The following CNTNAP2 variants were observed in gnomAD, a reference collection of about 807,000 sequenced individuals.
The protein encoded by CNTNAP2 is contactin-associated protein-like 2.
Under a neutral mutation model 155.2 loss-of-function variants are expected in CNTNAP2, and 98 were observed. That is an observed-to-expected ratio of 0.63 (90% CI 0.54 to 0.75). The LOEUF (loss-of-function observed/expected upper bound fraction) is 0.75. Ranked by LOEUF, CNTNAP2 falls within the 30% of genes least tolerant of loss-of-function variation. CNTNAP2 has a pLI of 0.00. For synonymous variants in CNTNAP2, 651 were observed against 631.2 expected, an observed-to-expected ratio of 1.03 and a Z score of -0.47; for missense variants, 1,727 against 1,688.1, an observed-to-expected ratio of 1.02 and a Z score of -0.40.
chr7:146,668,864 A>G (rs1800246204), intron 1 of CNTNAP2, among the ~76,000 whole-genome samples: 1 of 151,816 alleles, frequency 6.6e-6, no homozygotes, highest in Admixed American at 6.6e-5. Context: ...TTTTTCATTT[A>G]TGATTTTTAT....
rs1563130639 is a variant in CNTNAP2, at chr7:147,242,986, C to CTTTTTTTTTT, written c.1349-57155_1349-57154insTTTTTTTTTT. 1.7e-4 allele frequency among the ~76,000 whole-genome samples: 7 copies of CTTTTTTTTTT among 42,162 alleles called. 1 individual carries two copies. Among genetic ancestry groups the CTTTTTTTTTT allele is most frequent in the East Asian group, 1.3e-3 (1 of 788 alleles). The allele number at this position is 42,162 out of a possible 152,430, so 27.7% of individuals were successfully genotyped here. A position where few individuals can be genotyped will look rare whatever the true frequency, so the allele number is the denominator to read the frequency against. On this transcript the variant is annotated intron_variant, in intron 8 of 23. Transcript: ENST00000361727. ...ATGTTGTATTCCACACTATGCTTTG[C>CTTTTTTTTTT]ATTTTTTTTTTTTTTTTTTTTTTTT...
intron 14 of CNTNAP2, among the ~76,000 whole-genome samples, chr7:147,967,836 G>T (rs990578298): frequency 6.6e-6 from 1 of 152,004 alleles, no homozygotes; most frequent in South Asian, 2.1e-4. Flanking sequence ...CTTTCACCAC[G>T]TTAATGAGAT....
At chr7:146,655,983 T>C (rs755252066) in intron 1 of CNTNAP2, among the ~76,000 whole-genome samples, 5 of 152,232 alleles carry the variant, frequency 3.3e-5, no homozygotes, top group African/African-American at 4.8e-5. Flanking sequence ...CACTGAAGCA[T>C]AGCAAGGTCA....
At chr7:147,970,081 C>A (rs1015570532) in intron 14 of CNTNAP2, among the ~76,000 whole-genome samples, 1 of 151,910 alleles carries the variant, frequency 6.6e-6, no homozygotes, top group Non-Finnish European at 1.5e-5. Context: ...TGATGTACAC[C>A]ACCATGCCTG....
chr7:147,151,804 C>T (rs1801832502), intron 8 of CNTNAP2, among the ~76,000 whole-genome samples: 1 of 152,086 alleles, frequency 6.6e-6, no homozygotes, highest in South Asian at 2.1e-4. Flanking sequence ...TAATGTGTTA[C>T]TCCAACATGT....
intron 1 of CNTNAP2, among the ~76,000 whole-genome samples, chr7:146,476,561 G>C (rs907623322): frequency 2.0e-5 from 3 of 152,042 alleles, no homozygotes; most frequent in Non-Finnish European, 4.4e-5. Flanking sequence ...ATTGAACGTA[G>C]AGTTGTACAC....
intron 1 of CNTNAP2, among the ~76,000 whole-genome samples, chr7:146,191,468 AACATCTTATCAGGAG>A (rs1347734091): frequency 4.6e-5 from 7 of 152,198 alleles, no homozygotes; most frequent in African/African-American, 1.7e-4. Context: ...TGTCATTGAT[AACATCTTATCAGGAG>A]ACAGGGTTTG....
chr7:147,581,608 T>G (rs1306633945), intron 12 of CNTNAP2, among the ~76,000 whole-genome samples: 5 of 152,066 alleles, frequency 3.3e-5, no homozygotes, highest in Non-Finnish European at 4.4e-5. Context: ...TAGCTCAGAG[T>G]AAGTGTATAG....
At chr7:148,405,948 G>A (rs1168735483) in intron 22 of CNTNAP2, among the ~76,000 whole-genome samples, 1 of 151,900 alleles carries the variant, frequency 6.6e-6, no homozygotes, top group Non-Finnish European at 1.5e-5. Context: ...TTTAAAGAAG[G>A]TCGGCCGGGC....
At chr7:148,393,452 A>C (rs1799397954) in intron 22 of CNTNAP2, among the ~76,000 whole-genome samples, 1 of 152,182 alleles carries the variant, frequency 6.6e-6, no homozygotes, top group Non-Finnish European at 1.5e-5. Context: ...AAAAACACCA[A>C]GCGCATTTAT....
chr7:146,297,201 T>A (rs1800528606), intron 1 of CNTNAP2, among the ~76,000 whole-genome samples: 1 of 152,156 alleles, frequency 6.6e-6, no homozygotes, highest in African/African-American at 2.4e-5. Flanking sequence ...AAAAACAATT[T>A]AAATTGAAAA....
chr7:146,266,837 C>T (rs1800001489), intron 1 of CNTNAP2, among the ~76,000 whole-genome samples: 6 of 151,086 alleles, frequency 4.0e-5, no homozygotes, highest in Admixed American at 4.0e-4. Flanking sequence ...CACATCCTCA[C>T]TGCAACACAC....
At chr7:146,775,567 G>C (rs1274436467) in intron 2 of CNTNAP2, among the ~76,000 whole-genome samples, 1 of 151,036 alleles carries the variant, frequency 6.6e-6, no homozygotes, top group African/African-American at 2.4e-5. Flanking sequence ...AAGAAGGGAG[G>C]GAAGGAGAAA....
intron 1 of CNTNAP2, among the ~76,000 whole-genome samples, chr7:146,616,465 C>T (rs1799226134): frequency 1.3e-5 from 2 of 152,106 alleles, no homozygotes; most frequent in Non-Finnish European, 2.9e-5. Flanking sequence ...CCTTTCTAAC[C>T]GAAACCATCT....
intron 1 of CNTNAP2, among the ~76,000 whole-genome samples, chr7:146,630,697 CTG>C (rs1799496794): frequency 6.6e-6 from 1 of 152,100 alleles, no homozygotes; most frequent in Admixed American, 6.6e-5. Context: ...TCGTATCTCA[CTG>C]TGGTATTAAT....
chr7:146,305,035 G>C (rs571287352), intron 1 of CNTNAP2, among the ~76,000 whole-genome samples: 1 of 152,062 alleles, frequency 6.6e-6, no homozygotes, highest in South Asian at 2.1e-4. Context: ...TTCAATCACA[G>C]ACACCTTTTC....
chr7:148,036,063 G>C (rs1802568325), intron 15 of CNTNAP2, among the ~76,000 whole-genome samples: 1 of 152,112 alleles, frequency 6.6e-6, no homozygotes, highest in Admixed American at 6.5e-5. Context: ...ATTATATTTT[G>C]GAAGCACATA....
At chr7:147,811,606 T>C (rs540314841) in intron 13 of CNTNAP2, among the ~76,000 whole-genome samples, 2 of 152,316 alleles carry the variant, frequency 1.3e-5, no homozygotes, top group South Asian at 2.1e-4. Context: ...CTGTATTTTA[T>C]AGCAAATAAG....
intron 22 of CNTNAP2, among the ~76,000 whole-genome samples, chr7:148,401,196 C>T (rs17615597): frequency 0.011 from 1,615 of 152,218 alleles, 24 homozygotes; most frequent in Middle Eastern, 0.02. Flanking sequence ...CAAGGTTCAC[C>T]CTGAGAACTA....
Sources: gnomAD v4.1 joint callset for allele counts (sites outside exome capture counted in the v4.1 genomes callset) on GRCh38, gnomAD v4.1.1 for gene constraint, MANE v1.5 for transcripts, NCBI Gene and HGNC (gene_info 2026-07-23, HGNC 2026-07-21) for gene names.